VPS13B: variants seen among roughly 807,000 people sequenced by gnomAD.
VPS13B encodes the protein vacuolar protein sorting 13 homolog B.
VPS13B carries 285 observed loss-of-function variants against 426.4 expected under a neutral mutation model. That is an observed-to-expected ratio of 0.67 (90% CI 0.61 to 0.74). The LOEUF (loss-of-function observed/expected upper bound fraction) is 0.74, where lower values mean the gene tolerates loss of function less well. Among genes scored for constraint, VPS13B ranks in the 30% least tolerant of loss-of-function variants. The pLI is 0.00. For synonymous variants in VPS13B, 1,676 were observed against 1,676.4 expected (o/e 1.00, Z 0.01); for missense variants, 4,537 against 4,782.6 (o/e 0.95, Z 1.51).
intron 16 of VPS13B, among the ~76,000 whole-genome samples, chr8:99,179,628 G>T (rs1812836744): frequency 6.6e-6 from 1 of 152,084 alleles, no homozygotes; most frequent in Non-Finnish European, 1.5e-5. Context: ...TAATGTTCTT[G>T]TTTTTCATTG....
chr8:99,752,475 T>G (rs1378479042), intron 39 of VPS13B, among the ~76,000 whole-genome samples: 1 of 152,168 alleles, frequency 6.6e-6, no homozygotes, highest in East Asian at 1.9e-4. Context: ...ACTACAATAG[T>G]CAGAGTCAAG....
intron 3 of VPS13B, among the ~76,000 whole-genome samples, chr8:99,083,547 G>A (rs1394078167): frequency 6.8e-6 from 1 of 146,636 alleles, no homozygotes; most frequent in East Asian, 2.0e-4. Flanking sequence ...TTTTCAAAGG[G>A]AATGCTTCCA....
At chr8:99,217,212 G>A (rs1815437580) in intron 17 of VPS13B, among the ~76,000 whole-genome samples, 1 of 152,050 alleles carries the variant, frequency 6.6e-6, no homozygotes, top group South Asian at 2.1e-4. Flanking sequence ...TAACACATAA[G>A]TGATTATCGT....
chr8:99,427,725 A>G (rs542496569), intron 21 of VPS13B, among the ~76,000 whole-genome samples: 11 of 151,844 alleles, frequency 7.2e-5, no homozygotes, highest in African/African-American at 2.7e-4. Context: ...GGTAATTTAT[A>G]GATTCAATGC....
intron 19 of VPS13B, among the ~76,000 whole-genome samples, chr8:99,366,081 G>A (rs1016544686): frequency 7.2e-5 from 11 of 151,974 alleles, no homozygotes; most frequent in African/African-American, 2.4e-5. Context: ...GCCATTGAAT[G>A]AAATGTTTTG....
In VPS13B at chr8:99,540,785, C is replaced by G. The variant is rs192132981; in HGVS notation, c.4746-15665C>G. On this transcript the variant is annotated intron_variant, in intron 30 of 61. Transcript: ENST00000357162. ...TTTGCATTTCTTTTGTAACCAAAAT[C>G]TAAAAACTGCATAATTGTTCTGTGG... is the stretch of plus-strand genomic sequence containing the variant. Among the ~76,000 whole-genome samples the G allele has an allele frequency of 3.7e-3, 563 of 152,238 alleles. 3 individuals carry two copies. The highest frequency in any genetic ancestry group is 6.2e-3 in the Non-Finnish European group (424 of 68,000).
intron 59 of VPS13B, among the ~76,000 whole-genome samples, chr8:99,870,546 T>C (rs1250671362): frequency 1.3e-5 from 2 of 152,216 alleles, no homozygotes; most frequent in African/African-American, 4.8e-5. Flanking sequence ...TTCCTCTAAT[T>C]GCTAGTCTAT....
chr8:99,110,089 A>G (rs1847282185), intron 5 of VPS13B, among the ~76,000 whole-genome samples: 1 of 152,166 alleles, frequency 6.6e-6, no homozygotes, highest in Non-Finnish European at 1.5e-5. Flanking sequence ...CAACTAACAG[A>G]CAACTTTGAA....
chr8:99,471,587 A>C (rs1178414743), intron 24 of VPS13B, among the ~76,000 whole-genome samples: 1 of 152,186 alleles, frequency 6.6e-6, no homozygotes, highest in Non-Finnish European at 1.5e-5. Context: ...AAGCCAAAAG[A>C]AGATGGGAAA....
intron 2 of VPS13B, among the ~76,000 whole-genome samples, chr8:99,024,182 T>G (rs1842031424): frequency 6.6e-6 from 1 of 152,248 alleles, no homozygotes; most frequent in Non-Finnish European, 1.5e-5. Context: ...CATATACCTG[T>G]TGGCCATTTA....
At chr8:99,191,537 C>A (rs1385775410) in intron 16 of VPS13B, among the ~76,000 whole-genome samples, 1 of 151,800 alleles carries the variant, frequency 6.6e-6, no homozygotes, top group Non-Finnish European at 1.5e-5. Flanking sequence ...GCACATGCCA[C>A]CACGCCCAGC....
intron 23 of VPS13B, among the ~76,000 whole-genome samples, chr8:99,462,693 G>T (rs1409968090): frequency 2.0e-5 from 3 of 152,082 alleles, no homozygotes; most frequent in Non-Finnish European, 4.4e-5. Flanking sequence ...CATATGTTGA[G>T]CCCTTAACAT....
At chr8:99,611,315 T>C (rs2133875228) in intron 33 of VPS13B, among the ~76,000 whole-genome samples, 1 of 152,292 alleles carries the variant, frequency 6.6e-6, no homozygotes, top group East Asian at 1.9e-4. Flanking sequence ...TTCATTTTTG[T>C]CAGTGCTTTA....
chr8:99,409,623 A>G (rs1413910539), intron 21 of VPS13B, among the ~76,000 whole-genome samples: 1 of 152,126 alleles, frequency 6.6e-6, no homozygotes, highest in African/African-American at 2.4e-5. Flanking sequence ...TTGGATTGCA[A>G]AGACCCCCAC....
intron 17 of VPS13B, among the ~76,000 whole-genome samples, chr8:99,261,711 C>T (rs1170604263): frequency 6.6e-6 from 1 of 152,166 alleles, no homozygotes; most frequent in Non-Finnish European, 1.5e-5. Flanking sequence ...TTCTCCACAT[C>T]CTCACCAGCA....
intron 2 of VPS13B, among the ~76,000 whole-genome samples, chr8:99,017,683 G>A (rs201598674): frequency 6.6e-6 from 1 of 151,880 alleles, no homozygotes; most frequent in South Asian, 2.1e-4. Flanking sequence ...AGTAGAGACG[G>A]GGTTTCACCA....
intron 17 of VPS13B, among the ~76,000 whole-genome samples, chr8:99,246,544 A>C (rs1054761251): frequency 6.6e-6 from 1 of 152,230 alleles, no homozygotes; most frequent in Non-Finnish European, 1.5e-5. Flanking sequence ...TTATTATTTA[A>C]CCCATTATAA....
At chr8:99,317,542 A>T (rs1320466335) in intron 19 of VPS13B, among the ~76,000 whole-genome samples, 1 of 152,158 alleles carries the variant, frequency 6.6e-6, no homozygotes. Flanking sequence ...GTGTAGACAT[A>T]AAATTCATTT....
chr8:99,172,423 A>G (rs1393542741), intron 16 of VPS13B, among the ~76,000 whole-genome samples: 1 of 152,128 alleles, frequency 6.6e-6, no homozygotes, highest in Non-Finnish European at 1.5e-5. Flanking sequence ...AAAGTTCATG[A>G]CGGTCCTGTG....
Sources: gnomAD v4.1 joint callset for allele counts (sites outside exome capture counted in the v4.1 genomes callset) on GRCh38, gnomAD v4.1.1 for gene constraint, MANE v1.5 for transcripts, NCBI Gene and HGNC (gene_info 2026-07-23, HGNC 2026-07-21) for gene names.